The following OR14I1 variants were observed in gnomAD, a reference collection of about 807,000 sequenced individuals.
The protein encoded by OR14I1 is olfactory receptor 14I1.
For synonymous variants in OR14I1, 118 were observed against 71.1 expected, an observed-to-expected ratio of 1.66 and a Z score of -3.32; for missense variants, 279 against 181.8, an observed-to-expected ratio of 1.53 and a Z score of -3.07.
downstream of OR14I1, among the ~76,000 whole-genome samples, chr1:248,679,748 A>C (rs899245301): frequency 6.6e-6 from 1 of 152,142 alleles, no homozygotes; most frequent in African/African-American, 2.4e-5. Flanking sequence ...AAGCTAGCAC[A>C]TTTTCCCCAT....
At chr1:248,695,110 A>G in the OR14I1 span, among the ~76,000 whole-genome samples, 1 of 152,130 alleles carries the variant, frequency 6.6e-6, no homozygotes, top group East Asian at 1.9e-4. Context: ...TTGCTGAGAA[A>G]TTATGAATTG....
chr1:248,678,320 C>A (rs1336434413), downstream of OR14I1, among the ~76,000 whole-genome samples: 2 of 152,174 alleles, frequency 1.3e-5, no homozygotes, highest in Admixed American at 1.3e-4. Flanking sequence ...TCAGAATATA[C>A]TTTTATTTCA....
chr1:248,682,165 A>G (rs141431821), exon 1 of OR14I1: 1 of 781,054 alleles, frequency 1.3e-6, no homozygotes, highest in African/African-American at 1.7e-5. Flanking sequence ...ATCGAGAGTG[A>G]TGACTGCAAT....
chr1:248,689,222 T>C, the OR14I1 span, among the ~76,000 whole-genome samples: 1 of 152,218 alleles, frequency 6.6e-6, no homozygotes, highest in Non-Finnish European at 1.5e-5. Flanking sequence ...GTGGCCTTTG[T>C]AACTTAAAAT....
At chr1:248,697,616 C>T in the OR14I1 span, among the ~76,000 whole-genome samples, 3 of 152,050 alleles carry the variant, frequency 2.0e-5, no homozygotes, top group East Asian at 5.8e-4. Flanking sequence ...GAAACCCCGT[C>T]CCTACTAAAA....
At chr1:248,693,990 A>G in the OR14I1 span, among the ~76,000 whole-genome samples, 1 of 151,896 alleles carries the variant, frequency 6.6e-6, no homozygotes, top group African/African-American at 2.4e-5. Flanking sequence ...ATCAGTCTGC[A>G]TGTGGCACAC....
chr1:248,698,186 G>A, the OR14I1 span, among the ~76,000 whole-genome samples: 1 of 152,168 alleles, frequency 6.6e-6, no homozygotes, highest in African/African-American at 2.4e-5. Context: ...GGATTCTTAT[G>A]TTTCTACTTT....
chr1:248,682,969 A>G (rs2387772), upstream of OR14I1, among the ~76,000 whole-genome samples: 149,974 of 152,338 alleles, frequency 0.98, 73,875 homozygotes, highest in East Asian at 1. Flanking sequence ...GCCATTACCC[A>G]TGTGTTGCAC....
upstream of OR14I1, among the ~76,000 whole-genome samples, chr1:248,684,483 T>C (rs757920821): frequency 6.6e-6 from 1 of 152,186 alleles, no homozygotes; most frequent in Non-Finnish European, 1.5e-5. Flanking sequence ...AAATGTACAC[T>C]TGAGTTTTAA....
At chr1:248,702,238 C>T in the OR14I1 span, among the ~76,000 whole-genome samples, 10 of 152,130 alleles carry the variant, frequency 6.6e-5, no homozygotes, top group Admixed American at 2.0e-4. Flanking sequence ...AATCCAAAGT[C>T]TTATCTGAGG....
upstream of OR14I1, among the ~76,000 whole-genome samples, chr1:248,686,375 A>T (rs537555904): frequency 6.6e-6 from 1 of 152,268 alleles, no homozygotes; most frequent in South Asian, 2.1e-4. Flanking sequence ...AAGCCTTTTT[A>T]CTTCAGTGTA....
chr1:248,683,093 C>T (rs904255091), upstream of OR14I1, among the ~76,000 whole-genome samples: 8 of 151,982 alleles, frequency 5.3e-5, no homozygotes, highest in African/African-American at 1.2e-4. Context: ...CAAGATAAAA[C>T]GGAGGCATAA....
downstream of OR14I1, among the ~76,000 whole-genome samples, chr1:248,678,972 G>A (rs1313029594): frequency 6.6e-6 from 1 of 152,186 alleles, no homozygotes; most frequent in Non-Finnish European, 1.5e-5. Context: ...TGAAGTTGAA[G>A]TAATCAAGTA....
exon 1 of OR14I1, chr1:248,681,468 C>G (rs1419469253): frequency 1.3e-6 from 1 of 780,814 alleles, no homozygotes; most frequent in Admixed American, 1.7e-5. Flanking sequence ...GGAAGGGAGG[C>G]AAAACTGTGT....
chr1:248,680,994 G>GTGTGTA (rs1553277280), downstream of OR14I1, among the ~76,000 whole-genome samples: 1 of 149,702 alleles, frequency 6.7e-6, no homozygotes, highest in Non-Finnish European at 1.5e-5. Context: ...GTGTGTGTGT[G>GTGTGTA]TATGTGTGTG....
At chr1:248,691,774 T>A in the OR14I1 span, 1 of 152,390 alleles carries the variant, frequency 6.6e-6, no homozygotes, top group Non-Finnish European at 1.5e-5. Context: ...CCAACCCGCC[T>A]GTCCCGGACC....
chr1:248,682,334 G>A (rs754888503), upstream of OR14I1: 1 of 705,418 alleles, frequency 1.4e-6, no homozygotes, highest in Admixed American at 2.2e-5. Flanking sequence ...TCTGATTGTT[G>A]AGAAAAAATA....
chr1:248,688,803 TAAAG>T, the OR14I1 span, among the ~76,000 whole-genome samples: 2 of 152,262 alleles, frequency 1.3e-5, no homozygotes, highest in South Asian at 4.1e-4. Context: ...GAAGCAGGAT[TAAAG>T]AGAGAAAACA....
chr1:248,681,227 T>C, downstream of OR14I1: 1 of 562,874 alleles, frequency 1.8e-6, no homozygotes, highest in Non-Finnish European at 3.1e-6. Flanking sequence ...GTGCAAATAT[T>C]GTCTTTCTCC....
Sources: allele counts gnomAD v4.1 joint callset (sites outside exome capture counted in the v4.1 genomes callset), GRCh38; gene constraint gnomAD v4.1.1; transcripts MANE v1.5; gene names NCBI Gene and HGNC (gene_info 2026-07-23, HGNC 2026-07-21).